The following CHN1 variants were observed in gnomAD, a reference collection of about 807,000 sequenced individuals.
CHN1 encodes the protein chimerin 1.
Under a neutral mutation model 59.5 loss-of-function variants are expected in CHN1, and 37 were observed. The observed-to-expected ratio is 0.62, with a 90% CI of 0.48 to 0.82. CHN1 has a LOEUF of 0.82. CHN1 is among the 40% of genes least tolerant of loss of function. CHN1 has a pLI of 0.00. For synonymous variants in CHN1, 206 were observed against 200.4 expected (o/e 1.03, Z -0.24); for missense variants, 469 against 571.0 (o/e 0.82, Z 1.82).
At chr2:174,820,506 T>C (rs1302129383) in intron 8 of CHN1, among the ~76,000 whole-genome samples, 1 of 152,236 alleles carries the variant, frequency 6.6e-6, no homozygotes, top group Non-Finnish European at 1.5e-5. Flanking sequence ...ATTCCCAATC[T>C]GCAGTTAGCT....
chr2:174,877,765 C>A, intron 6 of CHN1, 75 bp downstream of exon 6: 1 of 1,350,316 alleles, frequency 7.4e-7, no homozygotes, highest in South Asian at 1.5e-5. Context: ...ATAAATCAAT[C>A]TCTTCTGGCA....
At chr2:175,001,651 C>T (rs1691892107) in intron 1 of CHN1, among the ~76,000 whole-genome samples, 1 of 152,164 alleles carries the variant, frequency 6.6e-6, no homozygotes. Flanking sequence ...GGTGACTCTA[C>T]CCAGATAGAG....
In CHN1 at chr2:174,804,867, A is replaced by G. The variant is rs1684839120; in HGVS notation, c.1103-3055T>C. Among the ~76,000 whole-genome samples the G allele has an allele frequency of 2.0e-5, 3 of 152,226 alleles. No individual in the cohort carries two copies. The South Asian group carries it at 6.2e-4, about 32-fold the overall frequency. ...TGGTGTTCAGGTAGAGGACATTTACATCTCCAGGCTGGAGATATACATTTG... is the reference window on the plus strand; with the variant it reads ...TGGTGTTCAGGTAGAGGACATTTACGTCTCCAGGCTGGAGATATACATTTG... On this transcript the variant is annotated intron_variant, in intron 11 of 12. Transcript: ENST00000409900.
chr2:174,973,095 C>G (rs1319573568), intron 1 of CHN1, among the ~76,000 whole-genome samples: 1 of 152,146 alleles, frequency 6.6e-6, no homozygotes, highest in Non-Finnish European at 1.5e-5. Flanking sequence ...CAAATTCTTC[C>G]ACACTGGGTC....
At chr2:174,903,907 T>A (rs1436855995) in intron 5 of CHN1, among the ~76,000 whole-genome samples, 1 of 152,208 alleles carries the variant, frequency 6.6e-6, no homozygotes, top group African/African-American at 2.4e-5. Flanking sequence ...TATATCTGTT[T>A]ATAAAAATAG....
chr2:174,866,707 T>C (rs547605107), intron 6 of CHN1, among the ~76,000 whole-genome samples: 10 of 152,202 alleles, frequency 6.6e-5, no homozygotes, highest in Non-Finnish European at 1.0e-4. Context: ...CAAAATACTT[T>C]GTGAATTTAG....
In CHN1 at chr2:174,824,762, G is replaced by A. The variant is rs569709012; in HGVS notation, c.628-244C>T. 9.9e-5 allele frequency among the ~76,000 whole-genome samples: 15 copies of A among 151,950 alleles called. No homozygotes were observed. The South Asian group carries it at 2.9e-3, about 30-fold the overall frequency. On this transcript the variant is annotated intron_variant, in intron 7 of 12. Coordinates refer to ENST00000409900, the MANE Select transcript of CHN1 (RefSeq NM_001822.7). ...AGTAGCTGGGACTACAGGCACACAC[G>A]ACCACACCCAGATAATTTTTGTATT...
Position 174,911,172 on chromosome 2 carries a change from AT to A in CHN1, c.260+3885del, listed in dbSNP as rs1268758162. Among the ~76,000 whole-genome samples, 6 of 152,158 alleles carry A rather than the reference AT, an allele frequency of 3.9e-5. No homozygotes were observed. In the East Asian group the frequency reaches 9.6e-4, roughly 24 times the overall value. On this transcript the variant is annotated intron_variant, in intron 5 of 12. Transcript: ENST00000409900. The stretch of plus-strand genomic sequence containing the variant: ...AGAAAATGTCCAAACTCAACCTAGT[AT>A]TTTTTTCTTTTAGTGAGAAAAACTA...
chr2:174,848,331 T>A (rs1455837184), intron 6 of CHN1, among the ~76,000 whole-genome samples: 4 of 152,162 alleles, frequency 2.6e-5, no homozygotes, highest in African/African-American at 9.6e-5. Flanking sequence ...CCATATACTT[T>A]TTGTTTGCTG....
intron 5 of CHN1, among the ~76,000 whole-genome samples, chr2:174,911,382 A>C (rs1688696494): frequency 6.6e-6 from 1 of 152,218 alleles, no homozygotes; most frequent in South Asian, 2.1e-4. Flanking sequence ...AATCACTTTG[A>C]AACACTTCAT....
At chr2:174,999,353 T>C (rs1200363517) in intron 1 of CHN1, among the ~76,000 whole-genome samples, 1 of 152,186 alleles carries the variant, frequency 6.6e-6, no homozygotes, top group African/African-American at 2.4e-5. Flanking sequence ...ATTGATGCTT[T>C]CTATAAGACT....
At chr2:174,955,220 TATATAG>T (rs922890092) in intron 1 of CHN1, among the ~76,000 whole-genome samples, 38 of 42,946 alleles carry the variant, frequency 8.8e-4, no homozygotes, top group African/African-American at 4.8e-3. Context: ...TATATATATC[TATATAG>T]ATATAGATAT....
At chr2:174,915,259 CTTG>C in intron 4 of CHN1, 88 bp from the exon 5 acceptor site, 4 of 990,664 alleles carry the variant, frequency 4.0e-6, no homozygotes, top group Non-Finnish European at 4.6e-6. Context: ...ACCACCTTCT[CTTG>C]TTGTTTTCAA....
Position 174,850,826 on chromosome 2 carries a change from A to C in CHN1, c.550-3869T>G, listed in dbSNP as rs541407847. ...AGGAAGCAGATTAGGAGAGAAGTGGAAAGTGGCAAGAAAAGGAGATACTCA... is the reference window on the plus strand; with the variant it reads ...AGGAAGCAGATTAGGAGAGAAGTGGCAAGTGGCAAGAAAAGGAGATACTCA... On this transcript the variant is annotated intron_variant, in intron 6 of 12. Coordinates refer to ENST00000409900, the MANE Select transcript of CHN1 (RefSeq NM_001822.7). 3.7e-4 allele frequency among the ~76,000 whole-genome samples: 56 copies of C among 152,332 alleles called. No homozygotes were observed. The South Asian group carries it at 0.011, about 30-fold the overall frequency.
At chr2:174,924,240 G>A (rs1289991306) in intron 3 of CHN1, among the ~76,000 whole-genome samples, 1 of 152,144 alleles carries the variant, frequency 6.6e-6, no homozygotes. Context: ...CTAGGAAGAG[G>A]AAACCAACTG....
chr2:174,942,408 C>T (rs1689693046), intron 3 of CHN1, among the ~76,000 whole-genome samples: 1 of 151,858 alleles, frequency 6.6e-6, no homozygotes, highest in South Asian at 2.1e-4. Flanking sequence ...ATAAGAAAGG[C>T]ACAAAAGATG....
chr2:174,934,273 T>C (rs1689435124), intron 3 of CHN1, among the ~76,000 whole-genome samples: 1 of 152,192 alleles, frequency 6.6e-6, no homozygotes, highest in Non-Finnish European at 1.5e-5. Context: ...TGGGAGACAG[T>C]GACAGATCAT....
At chr2:174,969,533 A>C (rs1423126677) in intron 1 of CHN1, among the ~76,000 whole-genome samples, 2 of 152,042 alleles carry the variant, frequency 1.3e-5, no homozygotes, top group Non-Finnish European at 2.9e-5. Flanking sequence ...TCTGCCATTC[A>C]TCAGACATAT....
chr2:174,921,259 G>A (rs1689008636), intron 3 of CHN1, among the ~76,000 whole-genome samples: 1 of 152,206 alleles, frequency 6.6e-6, no homozygotes. Flanking sequence ...TTTTGTCTGA[G>A]CTATTTTGGT....
Sources: gnomAD v4.1 joint callset for allele counts (sites outside exome capture counted in the v4.1 genomes callset) on GRCh38, gnomAD v4.1.1 for gene constraint, MANE v1.5 for transcripts, NCBI Gene and HGNC (gene_info 2026-07-23, HGNC 2026-07-21) for gene names.